ARHGAP44: variants seen among roughly 807,000 people sequenced by gnomAD.
The protein encoded by ARHGAP44 is rho GTPase-activating protein 44.
A neutral mutation model predicts 106.8 loss-of-function variants in ARHGAP44; 43 were observed. The ratio of observed to expected loss-of-function variants is 0.40; its 90% CI spans 0.32 to 0.52. ARHGAP44 has a LOEUF of 0.52. Among genes scored for constraint, ARHGAP44 ranks in the 20% least tolerant of loss-of-function variants. The probability of loss-of-function intolerance (pLI) is 0.48; values close to 1 mark genes in which losing one functional copy is unlikely to be tolerated. For missense variants in ARHGAP44, 866 were observed against 1,050.5 expected (o/e 0.82, Z 2.43); for synonymous variants, 439 against 410.3 (o/e 1.07, Z -0.85).
chr17:12,825,179 G>A (rs567537457), intron 1 of ARHGAP44, among the ~76,000 whole-genome samples: 4 of 152,046 alleles, frequency 2.6e-5, no homozygotes, highest in South Asian at 4.2e-4. Context: ...TGGGACTACA[G>A]GCACATGCTA....
At chr17:12,872,283 C>G (rs2036429121) in intron 1 of ARHGAP44, among the ~76,000 whole-genome samples, 1 of 152,100 alleles carries the variant, frequency 6.6e-6, no homozygotes, top group South Asian at 2.1e-4. Flanking sequence ...TGACTGCTTT[C>G]TTTATCTTGG....
chr17:12,821,348 T>C (rs573903126), intron 1 of ARHGAP44, among the ~76,000 whole-genome samples: 38 of 152,224 alleles, frequency 2.5e-4, no homozygotes, highest in Non-Finnish European at 5.0e-4. Context: ...ATTATTGTGG[T>C]TTTTGTTTAT....
intron 4 of ARHGAP44, among the ~76,000 whole-genome samples, chr17:12,915,543 T>A (rs1567684502): frequency 6.6e-6 from 1 of 152,190 alleles, no homozygotes; most frequent in Non-Finnish European, 1.5e-5. Context: ...AAATTGAGCT[T>A]TTGCTTTGTA....
intron 6 of ARHGAP44, among the ~76,000 whole-genome samples, chr17:12,921,371 G>A (rs1378919582): frequency 1.3e-5 from 2 of 152,038 alleles, no homozygotes. Context: ...TTTGAGACAG[G>A]ATCTCACTCT....
At chr17:12,934,178 C>T (rs547534641) in intron 7 of ARHGAP44, among the ~76,000 whole-genome samples, 3 of 152,264 alleles carry the variant, frequency 2.0e-5, no homozygotes, top group Admixed American at 6.5e-5. Context: ...GCTTCACCCA[C>T]GTCTCTGTTT....
intron 3 of ARHGAP44, among the ~76,000 whole-genome samples, chr17:12,898,203 T>C (rs1386933724): frequency 1.6e-4 from 25 of 152,138 alleles, no homozygotes; most frequent in Admixed American, 1.6e-3. Context: ...GTTTGAATTA[T>C]TACGGACGAT....
At chr17:12,838,522 T>C (rs1304875746) in intron 1 of ARHGAP44, among the ~76,000 whole-genome samples, 1 of 152,172 alleles carries the variant, frequency 6.6e-6, no homozygotes, top group Non-Finnish European at 1.5e-5. Context: ...AGTGCCCTAG[T>C]GCTCACCATT....
chr17:12,982,168 T>C (rs1156801454), intron 19 of ARHGAP44, among the ~76,000 whole-genome samples: 1 of 152,168 alleles, frequency 6.6e-6, no homozygotes, highest in Non-Finnish European at 1.5e-5. Flanking sequence ...TTGCAGCACA[T>C]TGGACCTAGG....
chr17:12,811,173 C>A (rs1286071979), intron 1 of ARHGAP44, among the ~76,000 whole-genome samples: 1 of 151,774 alleles, frequency 6.6e-6, no homozygotes, highest in East Asian at 1.9e-4. Flanking sequence ...ATTAGCCAGG[C>A]GTGGTGGCGG....
At chr17:12,847,699 A>G (rs1597931631) in intron 1 of ARHGAP44, among the ~76,000 whole-genome samples, 1 of 150,428 alleles carries the variant, frequency 6.6e-6, no homozygotes, top group South Asian at 2.1e-4. Flanking sequence ...TTGTATTTTT[A>G]GTAGAGACGG....
At chr17:12,943,831 G>A (rs2150983542) in intron 9 of ARHGAP44, among the ~76,000 whole-genome samples, 162 bp downstream of exon 9, 1 of 152,216 alleles carries the variant, frequency 6.6e-6, no homozygotes, top group Non-Finnish European at 1.5e-5. Flanking sequence ...CTTGAGTCGG[G>A]GGTGCGTAGG....
Position 12,899,176 on chromosome 17 carries a change from G to A in ARHGAP44, c.198+2665G>A, listed in dbSNP as rs1258972091. Among the ~76,000 whole-genome samples, 3 of 151,970 alleles carry A rather than the reference G, an allele frequency of 2.0e-5. No individual in the cohort carries two copies. The East Asian group carries it at 5.8e-4, about 29-fold the overall frequency. On this transcript the variant is annotated intron_variant, in intron 3 of 20. Transcript: ENST00000379672. ...AGTAGAGACAGGGTTTCACCATGTT[G>A]GCCAGGATGGTCTTGATCTCTTGAC...
In ARHGAP44 at chr17:12,802,947, ATATATATATATATATATATATATT is replaced by A. The variant is rs1231047647; in HGVS notation, c.53+13058_53+13081del. Among the ~76,000 whole-genome samples the A allele has an allele frequency of 4.5e-3, 69 of 15,350 alleles. 8 individuals carry two copies. In the South Asian group the frequency reaches 0.15, roughly 34 times the overall value. The allele number at this position is 15,350 out of a possible 152,430, so 10.1% of individuals were successfully genotyped here. A position where few individuals can be genotyped will look rare whatever the true frequency, so the allele number is the denominator to read the frequency against. ...CTAATTTATATATATATATATATAT[ATATATATATATATATATATATATT>A]TTTTTTTTTTTTTTTTTTTGAGGCA... is the stretch of plus-strand genomic sequence containing the variant. On this transcript the variant is annotated intron_variant, in intron 1 of 20. Coordinates refer to ENST00000379672, the MANE Select transcript of ARHGAP44 (RefSeq NM_014859.6).
chr17:12,920,745 G>T (rs1010189919), intron 6 of ARHGAP44, among the ~76,000 whole-genome samples: 1 of 152,120 alleles, frequency 6.6e-6, no homozygotes, highest in African/African-American at 2.4e-5. Context: ...GATGGTGTAG[G>T]TGTCTGCTTT....
chr17:12,984,515 G>A lies in ARHGAP44; in HGVS notation c.1940-16G>A, dbSNP rs1266488441. Reference sequence around the variant, plus strand: ...CAACTTTGTGTTTTGTTGTTGTGTTGTGTTTTCTCTTTCAGTTTCAAAGAA... The same window carrying A: ...CAACTTTGTGTTTTGTTGTTGTGTTATGTTTTCTCTTTCAGTTTCAAAGAA... On this transcript the variant is annotated splice_polypyrimidine_tract_variant and intron_variant, in intron 19 of 20. Coordinates refer to ENST00000379672, the MANE Select transcript of ARHGAP44 (RefSeq NM_014859.6). 1 of 1,510,476 alleles carries A rather than the reference G, an allele frequency of 6.6e-7. No homozygotes were observed. The highest frequency in any genetic ancestry group is 2.2e-5 in the Admixed American group (1 of 44,970). 93.6% of individuals were successfully genotyped at this position (1,510,476 alleles called of 1,614,324 possible).
chr17:12,980,972 C>A (rs1396869655), intron 19 of ARHGAP44: 1 of 152,198 alleles, frequency 6.6e-6, no homozygotes, highest in Non-Finnish European at 1.5e-5. Flanking sequence ...GGATTTAGCT[C>A]ATCCACATGT....
intron 16 of ARHGAP44, among the ~76,000 whole-genome samples, chr17:12,972,621 C>A (rs1217388563): frequency 6.6e-6 from 1 of 151,696 alleles, no homozygotes; most frequent in Non-Finnish European, 1.5e-5. Flanking sequence ...GCACTCCAGC[C>A]TGGGTGACAA....
rs2040147330 is a variant in ARHGAP44 at position 12,991,471 on chromosome 17, G to C, written c.*1300G>C. ...TAAAGTCACCCTCCTCTGAGAGTGGGATGTGCAGAGTTTTGATGTTGCAGC... is the reference window on the plus strand; with the variant it reads ...TAAAGTCACCCTCCTCTGAGAGTGGCATGTGCAGAGTTTTGATGTTGCAGC... On this transcript the variant is annotated 3_prime_UTR_variant, in exon 21 of 21. Transcript: ENST00000379672. 5.8e-6 allele frequency: 1 copy of C among 171,710 alleles called. No homozygotes were observed. Among genetic ancestry groups the C allele is most frequent in the Non-Finnish European group, 1.3e-5 (1 of 79,028 alleles). 10.6% of individuals were successfully genotyped at this position (171,710 alleles called of 1,614,324 possible). A position where few individuals can be genotyped will look rare whatever the true frequency, so the allele number is the denominator to read the frequency against.
intron 1 of ARHGAP44, among the ~76,000 whole-genome samples, chr17:12,885,543 TTG>T (rs368471733): frequency 3.3e-5 from 5 of 149,294 alleles, no homozygotes; most frequent in Non-Finnish European, 6.0e-5. Context: ...GAGTGTGTGT[TTG>T]TGTGTGTGTG....
Sources: allele counts gnomAD v4.1 joint callset (sites outside exome capture counted in the v4.1 genomes callset), GRCh38; gene constraint gnomAD v4.1.1; transcripts MANE v1.5; gene names NCBI Gene and HGNC (gene_info 2026-07-23, HGNC 2026-07-21).